Variants in FRMD4A observed in about 807,000 individuals in gnomAD.
FRMD4A encodes FERM domain containing 4A.
In FRMD4A, 29 loss-of-function variants were observed where a neutral mutation model predicts 129.1. The observed-to-expected ratio is 0.22, with a 90% CI of 0.17 to 0.31. The LOEUF (loss-of-function observed/expected upper bound fraction) is 0.31, where lower values mean the gene tolerates loss of function less well. Among genes scored for constraint, FRMD4A ranks in the 10% least tolerant of loss-of-function variants. FRMD4A has a pLI of 1.00. For missense variants in FRMD4A, 1,272 were observed against 1,375.8 expected, an observed-to-expected ratio of 0.92 and a Z score of 1.19; for synonymous variants, 634 against 571.6, an observed-to-expected ratio of 1.11 and a Z score of -1.56.
chr10:14,193,155 C>A (rs1842367945), intron 2 of FRMD4A, among the ~76,000 whole-genome samples: 1 of 152,186 alleles, frequency 6.6e-6, no homozygotes. Flanking sequence ...CACAGTCTTA[C>A]TCCTGATGAT....
At chr10:13,740,309 T>C in intron 10 of FRMD4A, 58 bp from the exon 11 acceptor site, 3 of 1,164,684 alleles carry the variant, frequency 2.6e-6, no homozygotes, top group East Asian at 4.7e-5. Context: ...AGGCTAGTTA[T>C]TCAGCAGATC....
At chr10:13,789,769 A>G (rs964454456) in intron 5 of FRMD4A, among the ~76,000 whole-genome samples, 1 of 130,086 alleles carries the variant, frequency 7.7e-6, no homozygotes, top group Non-Finnish European at 1.6e-5. Flanking sequence ...GCTGCTTATA[A>G]TGTGTGTGTG....
intron 2 of FRMD4A, among the ~76,000 whole-genome samples, chr10:13,896,229 T>C (rs1041504985): frequency 2.0e-5 from 3 of 152,236 alleles, no homozygotes; most frequent in Non-Finnish European, 4.4e-5. Context: ...TATATGTTTA[T>C]TGCAGCACTA....
chr10:13,866,534 C>T (rs1339005146), intron 2 of FRMD4A, among the ~76,000 whole-genome samples: 2 of 152,346 alleles, frequency 1.3e-5, no homozygotes, highest in African/African-American at 2.4e-5. Context: ...GGTACCCAAA[C>T]ATTGCAAGAC....
chr10:14,300,091 G>A (rs1431445168), intron 2 of FRMD4A, among the ~76,000 whole-genome samples: 1 of 151,468 alleles, frequency 6.6e-6, no homozygotes. Context: ...CTTCGTGTAG[G>A]AGCCCTACAC....
intron 24 of FRMD4A, chr10:13,648,062 A>G (rs1460183368): frequency 3.9e-5 from 6 of 152,136 alleles, no homozygotes; most frequent in African/African-American, 1.4e-4. Flanking sequence ...CCAGCTTTCT[A>G]TTTCATTTGC....
chr10:13,679,472 TATAC>T (rs1290076941), intron 15 of FRMD4A, among the ~76,000 whole-genome samples: 1 of 21,394 alleles, frequency 4.7e-5, no homozygotes, highest in East Asian at 5.7e-3. Context: ...TATATATATA[TATAC>T]ACACACACAC....
At chr10:13,735,521 C>T (rs2090580322) in intron 12 of FRMD4A, among the ~76,000 whole-genome samples, 1 of 152,196 alleles carries the variant, frequency 6.6e-6, no homozygotes, top group Non-Finnish European at 1.5e-5. Flanking sequence ...GCTATGCATC[C>T]TTTCCTGTTT....
chr10:13,705,871 A>G (rs1340142820), intron 13 of FRMD4A, among the ~76,000 whole-genome samples: 1 of 152,190 alleles, frequency 6.6e-6, no homozygotes, highest in Non-Finnish European at 1.5e-5. Flanking sequence ...TGGTGCTGAG[A>G]TAAGCTCTTG....
intron 6 of FRMD4A, among the ~76,000 whole-genome samples, chr10:13,776,920 G>A (rs1187272594): frequency 2.0e-5 from 3 of 152,212 alleles, no homozygotes; most frequent in Non-Finnish European, 2.9e-5. Flanking sequence ...AAAAAAACTC[G>A]GGTCTAAATC....
At chr10:13,755,141 T>A (rs1443220963) in intron 8 of FRMD4A, among the ~76,000 whole-genome samples, 1 of 152,204 alleles carries the variant, frequency 6.6e-6, no homozygotes, top group East Asian at 1.9e-4. Flanking sequence ...GCAATCGATA[T>A]AAACGTTTAT....
chr10:14,318,251 A>G (rs1846823017), intron 2 of FRMD4A, among the ~76,000 whole-genome samples: 2 of 151,746 alleles, frequency 1.3e-5, no homozygotes, highest in Non-Finnish European at 2.9e-5. Flanking sequence ...CATGTTCATT[A>G]TGGCTCAATT....
At chr10:14,237,871 T>C (rs776479220) in intron 2 of FRMD4A, among the ~76,000 whole-genome samples, 22 of 152,186 alleles carry the variant, frequency 1.4e-4, no homozygotes, top group Non-Finnish European at 3.2e-4. Flanking sequence ...AGGGTCCTCC[T>C]CGGCCAGCTT....
chr10:14,129,371 C>CATATATATATAT (rs3033977), intron 2 of FRMD4A, among the ~76,000 whole-genome samples: 7 of 46,216 alleles, frequency 1.5e-4, no homozygotes, highest in Admixed American at 2.4e-4. Flanking sequence ...AATTATGATT[C>CATATATATATAT]ATATATATAT....
intron 2 of FRMD4A, among the ~76,000 whole-genome samples, chr10:13,875,871 C>G (rs1455785088): frequency 6.6e-6 from 1 of 152,152 alleles, no homozygotes; most frequent in Admixed American, 6.5e-5. Context: ...CAGGTATAAA[C>G]TAGGACTGTC....
intron 3 of FRMD4A, among the ~76,000 whole-genome samples, chr10:13,827,722 G>A (rs1044716252): frequency 6.6e-6 from 1 of 152,158 alleles, no homozygotes; most frequent in Admixed American, 6.5e-5. Context: ...CGGAGGTTCC[G>A]GCAGTCTGTA....
chr10:13,863,165 A>G (rs2094317500), intron 2 of FRMD4A, among the ~76,000 whole-genome samples: 2 of 152,180 alleles, frequency 1.3e-5, no homozygotes, highest in African/African-American at 4.8e-5. Context: ...TTCTTTTGAA[A>G]GTGAAGTGTC....
chr10:14,122,203 A>G (rs1838564369), intron 2 of FRMD4A, among the ~76,000 whole-genome samples: 1 of 152,218 alleles, frequency 6.6e-6, no homozygotes, highest in African/African-American at 2.4e-5. Flanking sequence ...AAACGAGAAA[A>G]TGCATATAAA....
intron 2 of FRMD4A, among the ~76,000 whole-genome samples, chr10:14,047,318 G>A (rs918702562): frequency 3.3e-5 from 5 of 152,096 alleles, no homozygotes; most frequent in Admixed American, 2.0e-4. Flanking sequence ...GGTTTTAATC[G>A]GCTGGTACCT....
Sources: allele counts gnomAD v4.1 joint callset (sites outside exome capture counted in the v4.1 genomes callset), GRCh38; gene constraint gnomAD v4.1.1; transcripts MANE v1.5; gene names NCBI Gene and HGNC (gene_info 2026-07-23, HGNC 2026-07-21).